SRM: variants seen among roughly 807,000 people sequenced by gnomAD.
The protein encoded by SRM is spermidine synthase, also known as putrescine aminopropyltransferase.
SRM carries 14 observed loss-of-function variants against 39.3 expected under a neutral mutation model. The ratio of observed to expected loss-of-function variants is 0.36; its 90% CI spans 0.24 to 0.56. The LOEUF (loss-of-function observed/expected upper bound fraction) is 0.56. SRM is among the 20% of genes least tolerant of loss of function. The pLI, the probability that SRM is intolerant of heterozygous loss-of-function variation, is 0.86. For missense variants in SRM, 244 were observed against 409.2 expected (o/e 0.60, Z 3.48); for synonymous variants, 195 against 173.1 (o/e 1.13, Z -0.99).
At chr1:11,056,349 G>A (rs546093073) in intron 4 of SRM, among the ~76,000 whole-genome samples, 6 of 152,282 alleles carry the variant, frequency 3.9e-5, no homozygotes, top group African/African-American at 1.4e-4. Flanking sequence ...GGCTGAAGAG[G>A]ACACAGGGTC....
intron 3 of SRM, among the ~76,000 whole-genome samples, chr1:11,057,404 C>T (rs1327715041): frequency 6.6e-6 from 1 of 151,816 alleles, no homozygotes; most frequent in Admixed American, 6.6e-5. Flanking sequence ...CTGCACCCTC[C>T]TGCCTCAGCC....
rs1638873480 is a variant in SRM, at chr1:11,056,047, T to C, written c.583A>G (p.Thr195Ala). 6.2e-7 allele frequency: 1 copy of C among 1,613,286 alleles called. No individual in the cohort carries two copies. The highest frequency in any genetic ancestry group is 1.1e-5 in the South Asian group (1 of 90,932). ...AGGACACCATCTTCCTTGAGGGCTGTCTTCATGAGCTGGTAATAGGACTCC... is the reference window on the plus strand; with the variant it reads ...AGGACACCATCTTCCTTGAGGGCTGCCTTCATGAGCTGGTAATAGGACTCC... Reference protein sequence around the residue: ...FKESYYQLMKTALKEDGVLCC... With the variant: ...FKESYYQLMKAALKEDGVLCC... The change falls in exon 5 of 8, where the codon ACA (threonine) becomes GCA (alanine). Residue 195 changes from threonine (T) to alanine (A), a missense_variant. By Grantham distance (58) the Thr-to-Ala change is moderately conservative. Transcript: ENST00000376957.
intron 1 of SRM, 120 bp downstream of exon 1, chr1:11,059,657 G>A: frequency 8.1e-7 from 1 of 1,227,212 alleles, no homozygotes; most frequent in Non-Finnish European, 1.1e-6. Flanking sequence ...GGGTGGCGAG[G>A]GGGCCAGGGC....
At chr1:11,058,937 G>A in intron 2 of SRM, 45 bp from the exon 3 acceptor site, 1 of 1,544,926 alleles carries the variant, frequency 6.5e-7, no homozygotes, top group South Asian at 1.2e-5. Context: ...GCAGGACTGG[G>A]AGCCCCCAGG....
In SRM at chr1:11,059,237, G is replaced by A. The variant is rs766525565; in HGVS notation, c.276C>T (p.Pro92=). Residue 92 remains proline, a synonymous_variant, in exon 2 of 8, where the codon CCC becomes CCT. Coordinates refer to ENST00000376957, the MANE Select transcript of SRM (RefSeq NM_003132.3). The part of the protein sequence containing the change: ...MIANLPLCSH[P]NPRKVLIIGG... ...GACACTGGGGTACCTTTCGCGGGTT[G>A]GGGTGGCTGCAGAGAGGCAGGTTGG... is the stretch of plus-strand genomic sequence containing the variant. 115 of 1,613,440 alleles carry A rather than the reference G, an allele frequency of 7.1e-5. No homozygotes were observed. Among genetic ancestry groups the A allele is most frequent in the Non-Finnish European group, 9.2e-5 (108 of 1,179,990 alleles).
At chr1:11,056,213 C>G in intron 4 of SRM, 119 bp from the exon 5 acceptor site, 1 of 920,872 alleles carries the variant, frequency 1.1e-6, no homozygotes, top group Non-Finnish European at 1.6e-6. Flanking sequence ...GTGGGGGATC[C>G]ACACCTGAAT....
At chr1:11,056,422 G>T (rs941709671) in intron 4 of SRM, among the ~76,000 whole-genome samples, 182 bp downstream of exon 4, 1 of 152,156 alleles carries the variant, frequency 6.6e-6, no homozygotes, top group Admixed American at 6.5e-5. Context: ...CTGGGCAGTC[G>T]CCTGGCTCCT....
chr1:11,055,189 C>T (rs1638850572), intron 6 of SRM, 105 bp from the exon 7 acceptor site: 1 of 1,423,320 alleles, frequency 7.0e-7, no homozygotes, highest in Non-Finnish European at 9.3e-7. Context: ...GTCATCTCAG[C>T]TCACTGCAAC....
chr1:11,057,196 G>C (rs1638893771), intron 3 of SRM, among the ~76,000 whole-genome samples: 1 of 152,142 alleles, frequency 6.6e-6, no homozygotes, highest in African/African-American at 2.4e-5. Context: ...AAAGCGGGGA[G>C]AACTCTGGTA....
At position 11,056,773 on chromosome 1, in the gene SRM, G is replaced by T; in HGVS notation, c.382-16C>A. 1 of 1,613,942 alleles carries T rather than the reference G, an allele frequency of 6.2e-7. No individual in the cohort carries two copies. The highest frequency in any genetic ancestry group is 1.1e-5 in the South Asian group (1 of 91,048). On this transcript the variant is annotated splice_polypyrimidine_tract_variant and intron_variant, in intron 3 of 7. Coordinates refer to ENST00000376957, the MANE Select transcript of SRM (RefSeq NM_003132.3). ...GGATGACATCCTGGAGGGGATGGGA[G>T]GGACCAGTCTGGGCCAAGGGGCTGG...
In SRM at chr1:11,055,190, T is replaced by C. The variant is rs554689850; in HGVS notation, c.766-106A>G. 1.8e-3 allele frequency: 2,598 copies of C among 1,420,078 alleles called. 3 individuals are homozygous for C. Among genetic ancestry groups the C allele is most frequent in the Non-Finnish European group, 2.2e-3 (2,425 of 1,078,722 alleles). The allele number at this position is 1,420,078 out of a possible 1,614,324, so 88.0% of individuals were successfully genotyped here. A position where few individuals can be genotyped will look rare whatever the true frequency, so the allele number is the denominator to read the frequency against. The stretch of plus-strand genomic sequence containing the variant: ...TGGAGTGCAGTGGCGTCATCTCAGC[T>C]CACTGCAACCTCTGTCTCCCAGGTT... On this transcript the variant is annotated intron_variant, in intron 6 of 7. Coordinates refer to ENST00000376957, the MANE Select transcript of SRM (RefSeq NM_003132.3).
In SRM at chr1:11,054,960, AC is replaced by A. The variant is rs760984621; in HGVS notation, c.888+1del. The A allele has an allele frequency of 1.9e-6, 3 of 1,611,454 alleles. No homozygotes were observed. The highest frequency in any genetic ancestry group is 2.5e-6 in the Non-Finnish European group (3 of 1,179,662). ...CACCACCCAGCCCCGCAGGCCACCC[AC>A]CTTGCGGGCAAACTCGGGCAGCACA... On this transcript the variant is annotated splice_donor_variant, in intron 7 of 7. Transcript: ENST00000376957. LOFTEE classifies it high-confidence loss of function. This position sits in a 1 kb window ranked among gnomAD's most constrained non-coding sequence, Gnocchi z 4.8.
rs942716985 is a variant in SRM at position 11,059,915 on chromosome 1, G to GCGGCGGGGC, written c.20_28dup (p.Gly7_Ala9dup). On this transcript the variant is annotated inframe_insertion, in exon 1 of 8. Transcript: ENST00000376957. ...CTCGCGGATGGCGGCGGGGCCGGAG[G>GCGGCGGGGC]CGGCGGGGCCGTCGGGGCCGGGCTC... 5.2e-6 allele frequency: 7 copies of GCGGCGGGGC among 1,351,830 alleles called. No individual in the cohort carries two copies. In the African/African-American group the frequency reaches 9.1e-5, roughly 18 times the overall value. The allele number at this position is 1,351,830 out of a possible 1,614,324, so 83.7% of individuals were successfully genotyped here. A position where few individuals can be genotyped will look rare whatever the true frequency, so the allele number is the denominator to read the frequency against.
rs775973849 is a variant in SRM, at chr1:11,058,824, G to A, written c.357C>T (p.Ser119=). 9 of 1,611,312 alleles carry A rather than the reference G, an allele frequency of 5.6e-6. No homozygotes were observed. Among genetic ancestry groups the A allele is most frequent in the Admixed American group, 1.7e-5 (1 of 59,798 alleles). Residue 119 remains serine (S), a synonymous_variant, in exon 3 of 8, where the codon TCC becomes TCT. Coordinates refer to ENST00000376957, the MANE Select transcript of SRM (RefSeq NM_003132.3). ...REVVKHPSVE[S]VVQCEIDEDV... is the part of the protein sequence containing the mutation. ...CCTCGTCGATCTCACACTGGACCAC[G>A]GACTCCACGGAGGGGTGCTTCACCA...
intron 3 of SRM, among the ~76,000 whole-genome samples, chr1:11,057,442 C>T (rs1054810459): frequency 1.1e-4 from 16 of 150,860 alleles, no homozygotes; most frequent in East Asian, 5.8e-4. Flanking sequence ...TACAGGCGCA[C>T]GCCACCAAGC....
chr1:11,056,461 G>T, intron 4 of SRM, 143 bp downstream of exon 4: 1 of 1,031,532 alleles, frequency 9.7e-7, no homozygotes, highest in Non-Finnish European at 1.4e-6. Context: ...TGTTTCAGAG[G>T]GCAGGTAACA....
Position 11,059,788 on chromosome 1 carries a change from G to A in SRM, c.156C>T (p.Leu52=), listed in dbSNP as rs1032211926. The A allele has an allele frequency of 5.7e-6, 9 of 1,580,086 alleles. No individual in the cohort carries two copies. The highest frequency in any genetic ancestry group is 7.7e-6 in the Non-Finnish European group (9 of 1,172,634). ...GGCAGCGGCGGTACCTGCGGAAGACGAGGATGTCCTGGTAGCGCGAGCGCC... is the reference window on the plus strand; with the variant it reads ...GGCAGCGGCGGTACCTGCGGAAGACAAGGATGTCCTGGTAGCGCGAGCGCC... ...HHRRSRYQDI[L]VFRSKTYGNV... The change falls in exon 1 of 8, where the codon CTC becomes CTT. Residue 52 remains leucine (L), a synonymous_variant. Coordinates refer to ENST00000376957, the MANE Select transcript of SRM (RefSeq NM_003132.3).
intron 3 of SRM, 147 bp from the exon 4 acceptor site, chr1:11,056,904 G>A: frequency 2.6e-6 from 2 of 781,408 alleles, no homozygotes; most frequent in Non-Finnish European, 4.0e-6. Context: ...TTGAGACAGG[G>A]TCTCACTTTG....
rs1427391061 is a variant in SRM, at chr1:11,059,555, G to A, written c.168-210C>T. Reference sequence around the variant, plus strand: ...CTCCTCGGGCTCTGACGTGTCCTGAGGGCTGACACGTGGAGCGGGGCGCAG... The same window carrying A: ...CTCCTCGGGCTCTGACGTGTCCTGAAGGCTGACACGTGGAGCGGGGCGCAG... On this transcript the variant is annotated intron_variant, in intron 1 of 7. Coordinates refer to ENST00000376957, the MANE Select transcript of SRM (RefSeq NM_003132.3). 9 of 942,120 alleles carry A rather than the reference G, an allele frequency of 9.6e-6. No individual in the cohort carries two copies. In the African/African-American group the frequency reaches 1.5e-4, roughly 16 times the overall value. The allele number at this position is 942,120 out of a possible 1,614,324, so 58.4% of individuals were successfully genotyped here.
Sources: allele counts gnomAD v4.1 joint callset (sites outside exome capture counted in the v4.1 genomes callset), GRCh38; gene constraint gnomAD v4.1.1; non-coding constraint Gnocchi (gnomAD v3.1); transcripts MANE v1.5; gene names NCBI Gene and HGNC (gene_info 2026-07-23, HGNC 2026-07-21).